RCAN2: variants seen among roughly 807,000 people sequenced by gnomAD.
RCAN2 encodes calcipressin-2.
A neutral mutation model predicts 23.6 loss-of-function variants in RCAN2; 9 were observed. The ratio of observed to expected loss-of-function variants is 0.38; its 90% CI spans 0.23 to 0.67. RCAN2 has a LOEUF of 0.67. Among genes scored for constraint, RCAN2 ranks in the 30% least tolerant of loss-of-function variants. The probability of loss-of-function intolerance (pLI) is 0.51; values close to 1 mark genes in which losing one functional copy is unlikely to be tolerated. For missense variants in RCAN2, 273 were observed against 302.3 expected, an observed-to-expected ratio of 0.90 and a Z score of 0.72; for synonymous variants, 109 against 115.7, an observed-to-expected ratio of 0.94 and a Z score of 0.37.
At chr6:46,225,235 A>G (rs1397934540) in intron 4 of RCAN2, among the ~76,000 whole-genome samples, 5 of 152,084 alleles carry the variant, frequency 3.3e-5, no homozygotes, top group African/African-American at 1.2e-4. Flanking sequence ...TAGTGCCACA[A>G]TAAACATATG....
chr6:46,383,384 C>T lies in RCAN2; in HGVS notation c.225+73368G>A, dbSNP rs573978585. ...AGACTCAGAGGTAGGTAATTTTTTG[C>T]TTCCTTTTTACCCAGACTTTATATC... On this transcript the variant is annotated intron_variant, in intron 2 of 4. Coordinates refer to ENST00000371374, the MANE Select transcript of RCAN2 (RefSeq NM_001251974.2). 5.9e-5 allele frequency among the ~76,000 whole-genome samples: 9 copies of T among 152,182 alleles called. No homozygotes were observed. In the South Asian group the frequency reaches 1.7e-3, roughly 28 times the overall value.
At chr6:46,366,404 A>G (rs1450826573) in intron 2 of RCAN2, among the ~76,000 whole-genome samples, 1 of 152,110 alleles carries the variant, frequency 6.6e-6, no homozygotes, top group African/African-American at 2.4e-5. Context: ...CAAAAATTCC[A>G]AAGATCACTG....
intron 2 of RCAN2, among the ~76,000 whole-genome samples, chr6:46,303,389 C>A (rs1291807131): frequency 6.6e-6 from 1 of 152,008 alleles, no homozygotes; most frequent in Admixed American, 6.6e-5. Flanking sequence ...AATTAGTTAA[C>A]AGTTAAAATT....
At chr6:46,364,065 T>C (rs1200248624) in intron 2 of RCAN2, among the ~76,000 whole-genome samples, 1 of 152,228 alleles carries the variant, frequency 6.6e-6, no homozygotes, top group African/African-American at 2.4e-5. Context: ...TATCTGTTTC[T>C]ACAGATGACC....
chr6:46,423,312 C>A (rs1324663201), intron 2 of RCAN2, among the ~76,000 whole-genome samples: 1 of 152,156 alleles, frequency 6.6e-6, no homozygotes, highest in Non-Finnish European at 1.5e-5. Flanking sequence ...GCAGACCAGA[C>A]CAAGTCTAAA....
rs1295802842 is a variant in RCAN2, at chr6:46,410,436, T to C, written c.225+46316A>G. On this transcript the variant is annotated intron_variant, in intron 2 of 4. Transcript: ENST00000371374. ...CCTATTTTCAATCGTACATTTGAAG[T>C]AGATTAGGACATGGTAAAAAAAGGT... 2.6e-5 allele frequency among the ~76,000 whole-genome samples: 4 copies of C among 152,270 alleles called. No homozygotes were observed. In the East Asian group the frequency reaches 7.7e-4, roughly 29 times the overall value.
intron 2 of RCAN2, chr6:46,438,194 T>C (rs1308572529): frequency 6.6e-6 from 1 of 152,232 alleles, no homozygotes; most frequent in Non-Finnish European, 1.5e-5. Context: ...GCACATTTTA[T>C]GACATGGGAT....
chr6:46,431,202 TAA>T (rs11335520), intron 2 of RCAN2, among the ~76,000 whole-genome samples: 46 of 150,158 alleles, frequency 3.1e-4, no homozygotes, highest in African/African-American at 1.1e-3. Flanking sequence ...TTTGTATTTT[TAA>T]AAAAAAAAAC....
intron 2 of RCAN2, among the ~76,000 whole-genome samples, chr6:46,299,775 AG>A (rs1185147018): frequency 6.6e-6 from 1 of 151,946 alleles, no homozygotes; most frequent in African/African-American, 2.4e-5. Flanking sequence ...GGATTGAATG[AG>A]TCAATAAATA....
Position 46,246,800 on chromosome 6 carries a change from G to A in RCAN2, c.519C>T (p.Ala173=). The change falls in exon 4 of 5, where the codon GCC becomes GCT. Residue 173 remains alanine (A), a synonymous_variant. Coordinates refer to ENST00000371374, the MANE Select transcript of RCAN2 (RefSeq NM_001251974.2). ...GGAGGTCATAGTTGAGGACTGGCGTGGCATCGTTGATGGGCTGCCAGCCAA... is the reference window on the plus strand; with the variant it reads ...GGAGGTCATAGTTGAGGACTGGCGTAGCATCGTTGATGGGCTGCCAGCCAA... The part of the protein sequence containing the change: ...PPVGWQPIND[A]TPVLNYDLLY... 1 of 1,613,706 alleles carries A rather than the reference G, an allele frequency of 6.2e-7. No homozygotes were observed. Among genetic ancestry groups the A allele is most frequent in the Non-Finnish European group, 8.5e-7 (1 of 1,179,818 alleles).
intron 3 of RCAN2, among the ~76,000 whole-genome samples, chr6:46,247,873 C>G (rs147752283): frequency 6.6e-5 from 10 of 152,246 alleles, no homozygotes; most frequent in African/African-American, 2.4e-4. Flanking sequence ...ATTGCTGGGC[C>G]AGATGGTAAT....
chr6:46,431,041 C>T (rs562470599), intron 2 of RCAN2, among the ~76,000 whole-genome samples: 1 of 152,174 alleles, frequency 6.6e-6, no homozygotes, highest in African/African-American at 2.4e-5. Flanking sequence ...AGGAGGTGCT[C>T]TTGGAGGAAC....
intron 2 of RCAN2, among the ~76,000 whole-genome samples, chr6:46,339,160 A>G (rs1273436673): frequency 1.3e-5 from 2 of 152,082 alleles, no homozygotes; most frequent in African/African-American, 2.4e-5. Context: ...ACCTAGGCAC[A>G]GGCCATAGAA....
chr6:46,306,515 G>A (rs1763073596), intron 2 of RCAN2, among the ~76,000 whole-genome samples: 1 of 152,192 alleles, frequency 6.6e-6, no homozygotes, highest in Non-Finnish European at 1.5e-5. Context: ...GAGAGATGAG[G>A]AGGGCAGTGA....
intron 4 of RCAN2, among the ~76,000 whole-genome samples, chr6:46,231,162 A>C (rs1765871927): frequency 6.6e-6 from 1 of 152,192 alleles, no homozygotes; most frequent in South Asian, 2.1e-4. Flanking sequence ...GCTCTACATC[A>C]ATACGACTAG....
At chr6:46,455,131 G>A (rs1422572474) in intron 2 of RCAN2, among the ~76,000 whole-genome samples, 1 of 152,168 alleles carries the variant, frequency 6.6e-6, no homozygotes, top group Non-Finnish European at 1.5e-5. Context: ...CTTGCCCTGA[G>A]AAAATTATCA....
In RCAN2 at chr6:46,294,991, G is replaced by A. The variant is rs9369608; in HGVS notation, c.226-46095C>T. On this transcript the variant is annotated intron_variant, in intron 2 of 4. Coordinates refer to ENST00000371374, the MANE Select transcript of RCAN2 (RefSeq NM_001251974.2). Reference sequence around the variant, plus strand: ...GTAAGGGCAGCTGCAGTAATCAAAAGAGAAAATGTGTGGGTCTGGGCCAAC... The same window carrying A: ...GTAAGGGCAGCTGCAGTAATCAAAAAAGAAAATGTGTGGGTCTGGGCCAAC... Among the ~76,000 whole-genome samples, 3,077 of 152,220 alleles carry A rather than the reference G, an allele frequency of 0.02. 264 individuals are homozygous for A. In the East Asian group the frequency reaches 0.25, roughly 12 times the overall value.
At chr6:46,392,228 GAACGCCAGC>G (rs1765958607) in intron 2 of RCAN2, among the ~76,000 whole-genome samples, 1 of 152,170 alleles carries the variant, frequency 6.6e-6, no homozygotes, top group Non-Finnish European at 1.5e-5. Flanking sequence ...TATAGAGGAG[GAACGCCAGC>G]AAGGGCTTGA....
At chr6:46,474,469 A>G (rs546021434) in intron 1 of RCAN2, among the ~76,000 whole-genome samples, 1 of 152,288 alleles carries the variant, frequency 6.6e-6, no homozygotes, top group South Asian at 2.1e-4. Flanking sequence ...TATCATAATA[A>G]ATATTAACAA....
Sources: allele counts gnomAD v4.1 joint callset (sites outside exome capture counted in the v4.1 genomes callset), GRCh38; gene constraint gnomAD v4.1.1; transcripts MANE v1.5; gene names NCBI Gene and HGNC (gene_info 2026-07-23, HGNC 2026-07-21).